Variants in CYP3A43 observed in about 807,000 individuals in gnomAD.
CYP3A43 encodes the protein cytochrome P450 family 3 subfamily A member 43, also known as cytochrome P450 3A43.
In CYP3A43, 45 loss-of-function variants were observed where a neutral mutation model predicts 58.0. The ratio of observed to expected loss-of-function variants is 0.78; its 90% CI spans 0.61 to 0.99. The LOEUF is 0.99. Among genes scored for constraint, CYP3A43 ranks in the 50% least tolerant of loss-of-function variants. CYP3A43 has a pLI of 0.00. For missense variants in CYP3A43, 593 were observed against 591.9 expected (o/e 1.00, Z -0.02); for synonymous variants, 191 against 201.4 (o/e 0.95, Z 0.44).
At chr7:99,832,545 T>TG (rs1429385585) in intron 1 of CYP3A43, among the ~76,000 whole-genome samples, 2 of 22,848 alleles carry the variant, frequency 8.8e-5, no homozygotes, top group Admixed American at 6.5e-4. Context: ...TGTTGTGGGG[T>TG]GGGGGGAGGG....
intron 7 of CYP3A43, chr7:99,850,157 A>G (rs1379994327): frequency 5.9e-6 from 2 of 337,532 alleles, no homozygotes; most frequent in Non-Finnish European, 1.2e-5. Flanking sequence ...GGGTTTTGCC[A>G]TGTTGGTCAG....
chr7:99,848,416 G>A (rs1584220997), intron 6 of CYP3A43, among the ~76,000 whole-genome samples, 162 bp downstream of exon 6: 5 of 152,208 alleles, frequency 3.3e-5, no homozygotes, highest in Admixed American at 3.3e-4. Context: ...GCTCACAAAA[G>A]AAAGCTAGGA....
intron 9 of CYP3A43, among the ~76,000 whole-genome samples, chr7:99,859,493 A>G (rs907848845): frequency 1.3e-5 from 2 of 152,220 alleles, no homozygotes; most frequent in South Asian, 2.1e-4. Context: ...AAGAACTTCT[A>G]TGATTATCCA....
At chr7:99,843,606 C>T (rs922327018) in intron 3 of CYP3A43, among the ~76,000 whole-genome samples, 6 of 152,016 alleles carry the variant, frequency 3.9e-5, no homozygotes, top group African/African-American at 1.4e-4. Flanking sequence ...GCTGGGATTA[C>T]AGGTGTGAGC....
At chr7:99,864,181 C>T (rs1157925402) in intron 12 of CYP3A43, among the ~76,000 whole-genome samples, 1 of 148,508 alleles carries the variant, frequency 6.7e-6, no homozygotes, top group Non-Finnish European at 1.5e-5. Context: ...GATCATCTCA[C>T]AAATTCTAAA....
In CYP3A43 at chr7:99,839,158, C is replaced by G. The variant is rs143159480; in HGVS notation, c.204C>G (p.Tyr68Ter). ...WNFDRECNEK[Y>*]GEMWGLYEGQ... ...TTGACAGAGAATGTAATGAAAAATA[C>G]GGAGAAATGTGGGGGTGAGTATTCT... Residue 68 changes from tyrosine (Y) to a stop codon, truncating the protein, a stop_gained, in exon 3 of 13, where the codon TAC (tyrosine) becomes TAG (stop). Coordinates refer to ENST00000354829, the MANE Select transcript of CYP3A43 (RefSeq NM_057095.3). LOFTEE classifies it high-confidence loss of function. The G allele has an allele frequency of 3.7e-4, 595 of 1,614,046 alleles. 1 individual carries two copies. Among genetic ancestry groups the G allele is most frequent in the Non-Finnish European group, 4.6e-4 (542 of 1,179,992 alleles).
intron 9 of CYP3A43, among the ~76,000 whole-genome samples, chr7:99,857,595 C>A (rs1477181047): frequency 2.0e-5 from 3 of 152,162 alleles, no homozygotes; most frequent in African/African-American, 7.2e-5. Flanking sequence ...GTAATCTCAG[C>A]ACTTTGGGAG....
chr7:99,830,669 CT>C (rs2151585681), intron 1 of CYP3A43, among the ~76,000 whole-genome samples: 1 of 152,310 alleles, frequency 6.6e-6, no homozygotes, highest in African/African-American at 2.4e-5. Flanking sequence ...TCTCTCATGT[CT>C]TGTGTCACCC....
intron 10 of CYP3A43, among the ~76,000 whole-genome samples, chr7:99,860,802 G>A (rs530107036): frequency 6.6e-6 from 1 of 152,234 alleles, no homozygotes; most frequent in Admixed American, 6.5e-5. Context: ...AAGTTCTTTT[G>A]TCATATTTGG....
intron 7 of CYP3A43, among the ~76,000 whole-genome samples, chr7:99,853,259 TC>T (rs2151615034): frequency 6.6e-6 from 1 of 152,342 alleles, no homozygotes; most frequent in African/African-American, 2.4e-5. Flanking sequence ...GATTACTGAT[TC>T]AATGCCTTTA....
At chr7:99,838,117 G>A (rs1295175036) in intron 2 of CYP3A43, among the ~76,000 whole-genome samples, 1 of 152,218 alleles carries the variant, frequency 6.6e-6, no homozygotes, top group African/African-American at 2.4e-5. Context: ...AAGCAGGAAA[G>A]TTTGTTTTTA....
At chr7:99,857,015 A>G in intron 9 of CYP3A43, 116 bp downstream of exon 9, 1 of 1,232,106 alleles carries the variant, frequency 8.1e-7, no homozygotes, top group East Asian at 2.4e-5. Flanking sequence ...CATTGCAGAA[A>G]GGCACACATT....
chr7:99,855,604 TC>T lies in CYP3A43; in HGVS notation c.685del (p.Thr230ProfsTer7). The T allele has an allele frequency of 1.9e-6, 3 of 1,610,324 alleles. No homozygotes were observed. The highest frequency in any genetic ancestry group is 2.5e-6 in the Non-Finnish European group (3 of 1,178,078). On this transcript the variant is annotated frameshift_variant, in exon 8 of 13. Transcript: ENST00000354829. LOFTEE classifies it high-confidence loss of function. The part of the protein sequence containing the change: ...FLLLISLFPF[L>X]TPVFEALNIG... Reference sequence around the variant, plus strand: ...ATTTTCCTATAGCACTCTTTCCATTTCTTACCCCAGTTTTTGAAGCCCTAAA... The same window carrying T: ...ATTTTCCTATAGCACTCTTTCCATTTTTACCCCAGTTTTTGAAGCCCTAAA...
intron 1 of CYP3A43, among the ~76,000 whole-genome samples, chr7:99,833,017 A>G (rs1452072151): frequency 6.6e-6 from 1 of 152,232 alleles, no homozygotes; most frequent in Non-Finnish European, 1.5e-5. Context: ...ATGCCCTGGA[A>G]GAATTCCAGT....
intron 9 of CYP3A43, among the ~76,000 whole-genome samples, chr7:99,859,607 C>T (rs1818139216): frequency 6.6e-6 from 1 of 151,684 alleles, no homozygotes; most frequent in Non-Finnish European, 1.5e-5. Flanking sequence ...GTGAATGGCC[C>T]ACAATCGTGT....
rs1817670528 is a variant in CYP3A43 at position 99,849,643 on chromosome 7, A to G, written c.619A>G (p.Met207Val). Residue 207 changes from methionine (M) to valine (V), a missense_variant, in exon 7 of 13, where the codon ATG becomes GTG. Transcript: ENST00000354829. The stretch of plus-strand genomic sequence containing the variant: ...TCCACAAGATCCCTTTCTGAAAAAT[A>G]TGAAGAAGCTTTTAAAATTGGATTT... ...NNPQDPFLKNMKKLLKLDFLD... is the reference protein window; with the variant it reads ...NNPQDPFLKNVKKLLKLDFLD... The G allele has an allele frequency of 6.2e-7, 1 of 1,611,716 alleles. No individual in the cohort carries two copies. Among genetic ancestry groups the G allele is most frequent in the Non-Finnish European group, 8.5e-7 (1 of 1,179,488 alleles).
rs1209567869 is a variant in CYP3A43, at chr7:99,855,589, A to T, written c.671-2A>T. Reference sequence around the variant, plus strand: ...TTCTTTTTCTATTTAATTTTCCTATAGCACTCTTTCCATTTCTTACCCCAG... The same window carrying T: ...TTCTTTTTCTATTTAATTTTCCTATTGCACTCTTTCCATTTCTTACCCCAG... On this transcript the variant is annotated splice_acceptor_variant, in intron 7 of 12. Coordinates refer to ENST00000354829, the MANE Select transcript of CYP3A43 (RefSeq NM_057095.3). LOFTEE classifies it high-confidence loss of function. The T allele has an allele frequency of 3.1e-6, 5 of 1,602,114 alleles. No individual in the cohort carries two copies. In the South Asian group the frequency reaches 5.6e-5, roughly 18 times the overall value.
Position 99,839,192 on chromosome 7 carries a change from G to A in CYP3A43, c.218+20G>A. On this transcript the variant is annotated intron_variant, in intron 3 of 12. Coordinates refer to ENST00000354829, the MANE Select transcript of CYP3A43 (RefSeq NM_057095.3). The stretch of plus-strand genomic sequence containing the variant: ...GTGGGGGTGAGTATTCTGGAAACTT[G>A]CATTGGATAGAGCTGTTGCTATGCT... The A allele has an allele frequency of 6.2e-7, 1 of 1,613,920 alleles. No homozygotes were observed. The highest frequency in any genetic ancestry group is 8.5e-7 in the Non-Finnish European group (1 of 1,179,804).
At chr7:99,830,474 C>T (rs1024459636) in intron 1 of CYP3A43, among the ~76,000 whole-genome samples, 5 of 151,792 alleles carry the variant, frequency 3.3e-5, no homozygotes, top group East Asian at 1.9e-4. Context: ...GCCAAGATTG[C>T]GCCATTGCAC....
Sources: gnomAD v4.1 joint callset for allele counts (sites outside exome capture counted in the v4.1 genomes callset) on GRCh38, gnomAD v4.1.1 for gene constraint, MANE v1.5 for transcripts, NCBI Gene and HGNC (gene_info 2026-07-23, HGNC 2026-07-21) for gene names.